XPR1: variants seen among roughly 807,000 people sequenced by gnomAD.
XPR1 encodes solute carrier family 53 member 1.
In XPR1, 28 loss-of-function variants were observed where a neutral mutation model predicts 87.5. The ratio of observed to expected loss-of-function variants is 0.32; its 90% confidence interval spans 0.24 to 0.44. The LOEUF (loss-of-function observed/expected upper bound fraction) is 0.44, where lower values mean the gene tolerates loss of function less well. Ranked by LOEUF, XPR1 falls within the 20% of genes least tolerant of loss-of-function variation. The pLI, the probability that XPR1 is intolerant of heterozygous loss-of-function variation, is 1.00. For synonymous variants in XPR1, 300 were observed against 306.1 expected, an observed-to-expected ratio of 0.98 and a Z score of 0.21; for missense variants, 559 against 862.3, an observed-to-expected ratio of 0.65 and a Z score of 4.41.
intron 1 of XPR1, among the ~76,000 whole-genome samples, chr1:180,669,883 G>A (rs1337856875): frequency 1.3e-5 from 2 of 152,116 alleles, no homozygotes; most frequent in African/African-American, 4.8e-5. Context: ...TAAAAGTTAT[G>A]TGAATGTGGT....
intron 1 of XPR1, among the ~76,000 whole-genome samples, chr1:180,670,886 A>C (rs182686605): frequency 2.6e-5 from 4 of 152,284 alleles, no homozygotes; most frequent in Admixed American, 6.5e-5. Context: ...TTCTTGGTTG[A>C]TAGTTTTTCT....
At chr1:180,711,664 C>T (rs1233543087) in intron 2 of XPR1, among the ~76,000 whole-genome samples, 4 of 152,070 alleles carry the variant, frequency 2.6e-5, no homozygotes, top group African/African-American at 9.7e-5. Flanking sequence ...AGACCTTTAT[C>T]AGATGTAGAT....
At chr1:180,775,046 T>C (rs372181467) in intron 2 of XPR1, among the ~76,000 whole-genome samples, 63 of 152,226 alleles carry the variant, frequency 4.1e-4, no homozygotes, top group African/African-American at 1.4e-3. Context: ...ACGTCACTAA[T>C]CCCATTCACC....
chr1:180,855,136 A>G (rs1651985787), intron 11 of XPR1, among the ~76,000 whole-genome samples: 1 of 152,134 alleles, frequency 6.6e-6, no homozygotes, highest in Admixed American at 6.6e-5. Context: ...ACAAATATAT[A>G]TTCAATTTGC....
chr1:180,707,615 G>A (rs943001755), intron 2 of XPR1, among the ~76,000 whole-genome samples: 4 of 152,118 alleles, frequency 2.6e-5, no homozygotes, highest in Admixed American at 2.0e-4. Context: ...TAGATTTTGT[G>A]TTGTGAACCT....
chr1:180,730,490 T>C (rs1658517776), intron 2 of XPR1, among the ~76,000 whole-genome samples: 1 of 152,224 alleles, frequency 6.6e-6, no homozygotes, highest in South Asian at 2.1e-4. Context: ...AAGCTTACTG[T>C]TTAGAAGAGG....
chr1:180,738,665 A>G (rs927490386), intron 2 of XPR1, among the ~76,000 whole-genome samples: 1 of 152,184 alleles, frequency 6.6e-6, no homozygotes, highest in African/African-American at 2.4e-5. Flanking sequence ...GGTATTAAAC[A>G]TCTTTTTATA....
chr1:180,695,684 A>G (rs1657141612), intron 2 of XPR1, among the ~76,000 whole-genome samples: 1 of 151,792 alleles, frequency 6.6e-6, no homozygotes, highest in Admixed American at 6.6e-5. Flanking sequence ...TTTTTTGAAG[A>G]GGTTGTTCTT....
intron 12 of XPR1, among the ~76,000 whole-genome samples, chr1:180,865,018 G>A (rs1652341102): frequency 6.6e-6 from 1 of 152,278 alleles, no homozygotes; most frequent in South Asian, 2.1e-4. Flanking sequence ...CATGTCACTA[G>A]AACCTTAAAA....
chr1:180,796,054 C>A (rs1649563028), intron 3 of XPR1, among the ~76,000 whole-genome samples: 1 of 152,122 alleles, frequency 6.6e-6, no homozygotes, highest in East Asian at 1.9e-4. Context: ...GTGATCCACT[C>A]ACCTCGGCCT....
chr1:180,815,726 A>G (rs1308689162), intron 7 of XPR1, among the ~76,000 whole-genome samples: 1 of 152,086 alleles, frequency 6.6e-6, no homozygotes, highest in Non-Finnish European at 1.5e-5. Context: ...TTGGTACAAT[A>G]ACAGTATACC....
intron 2 of XPR1, among the ~76,000 whole-genome samples, chr1:180,765,924 T>A (rs1002816103): frequency 1.3e-5 from 2 of 152,094 alleles, no homozygotes; most frequent in Non-Finnish European, 2.9e-5. Context: ...GCTAACATAT[T>A]TTTCAAGAAG....
intron 1 of XPR1, among the ~76,000 whole-genome samples, chr1:180,673,409 A>G (rs1470108166): frequency 1.3e-5 from 2 of 152,234 alleles, no homozygotes; most frequent in East Asian, 1.9e-4. Context: ...TAGGTTTCCT[A>G]TGAGAATGAA....
At chr1:180,728,026 A>G (rs914750638) in intron 2 of XPR1, among the ~76,000 whole-genome samples, 2 of 152,138 alleles carry the variant, frequency 1.3e-5, no homozygotes, top group Non-Finnish European at 2.9e-5. Context: ...ATGCTTAACC[A>G]TCTGGGAATG....
chr1:180,705,774 G>A (rs1427750075), intron 2 of XPR1, among the ~76,000 whole-genome samples: 1 of 152,044 alleles, frequency 6.6e-6, no homozygotes, highest in Non-Finnish European at 1.5e-5. Context: ...AAAAAAGTTA[G>A]GTTAATAAAT....
At position 180,811,953 on chromosome 1, in the gene XPR1, A is replaced by G. The variant is rs975934123; in HGVS notation, c.763+465A>G. ...GCTTGGTTGTATAATTTCCTATTCT[A>G]TAGAAGTAAAAACAATTAGAAAGAG... On this transcript the variant is annotated intron_variant, in intron 7 of 14. Coordinates refer to ENST00000367590, the MANE Select transcript of XPR1 (RefSeq NM_004736.4). Among the ~76,000 whole-genome samples the G allele has an allele frequency of 3.9e-5, 6 of 152,184 alleles. No homozygotes were observed. In the East Asian group the frequency reaches 5.8e-4, roughly 15 times the overall value.
intron 1 of XPR1, among the ~76,000 whole-genome samples, chr1:180,666,577 T>A (rs564496175): frequency 3.9e-5 from 6 of 152,352 alleles, no homozygotes; most frequent in Non-Finnish European, 7.3e-5. Context: ...ATTTTCAGAT[T>A]GTTTCTGCAA....
intron 2 of XPR1, among the ~76,000 whole-genome samples, chr1:180,731,143 TC>T (rs1658544084): frequency 6.6e-6 from 1 of 152,208 alleles, no homozygotes. Context: ...TTGGTGTCGA[TC>T]TGCACCATTC....
chr1:180,775,489 G>T (rs563780563), intron 2 of XPR1, among the ~76,000 whole-genome samples: 190 of 152,216 alleles, frequency 1.2e-3, no homozygotes, highest in African/African-American at 4.4e-3. Context: ...ATTCATCTTG[G>T]ATTATCCTCA....
Sources: gnomAD v4.1 joint callset for allele counts (sites outside exome capture counted in the v4.1 genomes callset) on GRCh38, gnomAD v4.1.1 for gene constraint, MANE v1.5 for transcripts, NCBI Gene and HGNC (gene_info 2026-07-23, HGNC 2026-07-21) for gene names.